ITSN2: variants seen among roughly 807,000 people sequenced by gnomAD.
The protein encoded by ITSN2 is intersectin-2.
A neutral mutation model predicts 243.7 loss-of-function variants in ITSN2; 156 were observed. The observed-to-expected ratio is 0.64, with a 90% CI of 0.56 to 0.73. The LOEUF (loss-of-function observed/expected upper bound fraction) is 0.73. Ranked by LOEUF, ITSN2 falls within the 30% of genes least tolerant of loss-of-function variation. ITSN2 has a pLI of 0.00. For synonymous variants in ITSN2, 703 were observed against 699.9 expected (o/e 1.00, Z -0.07); for missense variants, 1,801 against 1,996.1 (o/e 0.90, Z 1.86).
intron 29 of ITSN2, among the ~76,000 whole-genome samples, chr2:24,224,707 C>G (rs1670852183): frequency 6.6e-6 from 1 of 151,840 alleles, no homozygotes; most frequent in Non-Finnish European, 1.5e-5. Flanking sequence ...GATCTCGGCT[C>G]ACTACAACCT....
chr2:24,333,821 C>T (rs1187974644), intron 1 of ITSN2, among the ~76,000 whole-genome samples: 3 of 152,122 alleles, frequency 2.0e-5, no homozygotes, highest in East Asian at 1.9e-4. Flanking sequence ...CTTTTACAAA[C>T]GGTCAGTAAG....
At chr2:24,283,006 CT>C (rs1229842221) in intron 17 of ITSN2, among the ~76,000 whole-genome samples, 12 of 141,200 alleles carry the variant, frequency 8.5e-5, no homozygotes, top group African/African-American at 3.2e-4. Context: ...TCCTTCAAGT[CT>C]TTCTTAAACC....
intron 22 of ITSN2, among the ~76,000 whole-genome samples, chr2:24,258,779 A>C (rs1036242503): frequency 4.6e-4 from 70 of 152,258 alleles, no homozygotes; most frequent in African/African-American, 1.6e-3. Flanking sequence ...TAGGTTCAGC[A>C]CTCATCACAC....
rs772332880 is a variant in ITSN2 at position 24,299,914 on chromosome 2, G to A, written c.1339C>T (p.Arg447Ter). ...GTAAAAAACTTAAAAATAACCTCTCGTCTTTCTATGTCTTTTCTCCTTTCT... is the reference window on the plus strand; with the variant it reads ...GTAAAAAACTTAAAAATAACCTCTCATCTTTCTATGTCTTTTCTCCTTTCT... ...EEERRKDIER[R>*]EAAKQELERQ... The change falls in exon 12 of 40, where the codon CGA (arginine) becomes TGA (stop). Residue 447 changes from arginine to a stop codon, truncating the protein, a stop_gained. Coordinates refer to ENST00000355123, the MANE Select transcript of ITSN2 (RefSeq NM_006277.3). LOFTEE classifies it high-confidence loss of function. The A allele has an allele frequency of 1.3e-6, 2 of 1,594,152 alleles. No homozygotes were observed. Among genetic ancestry groups the A allele is most frequent in the Non-Finnish European group, 1.7e-6 (2 of 1,171,492 alleles).
At chr2:24,322,913 GAACA>G (rs1212801434) in intron 2 of ITSN2, among the ~76,000 whole-genome samples, 1 of 151,622 alleles carries the variant, frequency 6.6e-6, no homozygotes, top group Non-Finnish European at 1.5e-5. Context: ...CAAAAGATTT[GAACA>G]GACACATCAA....
At position 24,301,389 on chromosome 2, in the gene ITSN2, G is replaced by A. The variant is rs1681711839; in HGVS notation, c.996-150C>T. The stretch of plus-strand genomic sequence containing the variant: ...GTTTGGTATGTCGTTACAAAATACA[G>A]TAGTATATGGATATTCAAGACAGAG... On this transcript the variant is annotated intron_variant, in intron 10 of 39. Coordinates refer to ENST00000355123, the MANE Select transcript of ITSN2 (RefSeq NM_006277.3). 5 of 471,018 alleles carry A rather than the reference G, an allele frequency of 1.1e-5. No individual in the cohort carries two copies. The South Asian group carries it at 2.2e-4, about 21-fold the overall frequency. 29.2% of individuals were successfully genotyped at this position (471,018 alleles called of 1,614,324 possible).
chr2:24,319,660 C>A (rs1333317456), intron 2 of ITSN2, among the ~76,000 whole-genome samples: 2 of 152,214 alleles, frequency 1.3e-5, no homozygotes, highest in Non-Finnish European at 2.9e-5. Flanking sequence ...TACTCAAACT[C>A]CACTGGAAAC....
chr2:24,358,197 G>A (rs138510083), intron 1 of ITSN2, among the ~76,000 whole-genome samples: 6 of 152,242 alleles, frequency 3.9e-5, no homozygotes, highest in African/African-American at 1.4e-4. Context: ...GCATGAGCCA[G>A]GGCACCCGGC....
intron 17 of ITSN2, among the ~76,000 whole-genome samples, chr2:24,282,124 T>C (rs1678861739): frequency 6.6e-6 from 1 of 152,170 alleles, no homozygotes; most frequent in Admixed American, 6.5e-5. Flanking sequence ...AAGACCACCC[T>C]GGCCTGCCAC....
In ITSN2 at chr2:24,210,921, A is replaced by G. The variant is rs1407831822; in HGVS notation, c.4116T>C (p.His1372=). The G allele has an allele frequency of 1.9e-6, 3 of 1,614,072 alleles. No individual in the cohort carries two copies. Among genetic ancestry groups the G allele is most frequent in the African/African-American group, 1.3e-5 (1 of 74,926 alleles). ...CCAGCTTTAGGGAGGAATGGTCTGC[A>G]TGGCTCTCCGGGGTGTTCTCCAGAA... ...RSILENTPES[H]ADHSSLKLAL... Residue 1372 remains histidine (H), a synonymous_variant, in exon 34 of 40, where the codon CAT becomes CAC. Transcript: ENST00000355123.
chr2:24,348,800 A>C (rs1687781412), intron 1 of ITSN2, among the ~76,000 whole-genome samples: 1 of 152,228 alleles, frequency 6.6e-6, no homozygotes, highest in African/African-American at 2.4e-5. Flanking sequence ...GTAGCAGCTA[A>C]CGGGCAGAAA....
chr2:24,271,497 T>A (rs1157639806), intron 19 of ITSN2, among the ~76,000 whole-genome samples: 2 of 152,192 alleles, frequency 1.3e-5, no homozygotes, highest in Non-Finnish European at 2.9e-5. Flanking sequence ...ACTATTTTAC[T>A]TCAATTATGA....
At chr2:24,315,414 C>T (rs955983224) in intron 2 of ITSN2, among the ~76,000 whole-genome samples, 190 bp from the exon 3 acceptor site, 1 of 152,178 alleles carries the variant, frequency 6.6e-6, no homozygotes, top group African/African-American at 2.4e-5. Context: ...GCTCAATTAA[C>T]GTCTATTGAA....
rs754161315 is a variant in ITSN2 at position 24,203,775 on chromosome 2, C to T, written c.4945G>A (p.Gly1649Ser). ...RDQFSPDDFL[G>S]RTEIPVAKIR... Reference sequence around the variant, plus strand: ...TTTGCCACTGGAATTTCAGTACGACCCAGGAAATCTGGTGAATAAACACAG... The same window carrying T: ...TTTGCCACTGGAATTTCAGTACGACTCAGGAAATCTGGTGAATAAACACAG... Residue 1649 changes from glycine to serine, a missense_variant, in exon 40 of 40, where the codon GGT (glycine) becomes AGT (serine). This residue lies in a region of ITSN2 where 928 missense variants were observed against 1,065.4 expected (regional missense o/e 0.87). Coordinates refer to ENST00000355123, the MANE Select transcript of ITSN2 (RefSeq NM_006277.3). The T allele has an allele frequency of 1.5e-5, 24 of 1,613,180 alleles. No homozygotes were observed. Among genetic ancestry groups the T allele is most frequent in the Non-Finnish European group, 2.0e-5 (24 of 1,179,554 alleles).
chr2:24,232,570 T>C (rs1164604393), intron 29 of ITSN2, among the ~76,000 whole-genome samples: 2 of 152,176 alleles, frequency 1.3e-5, no homozygotes, highest in South Asian at 2.1e-4. Flanking sequence ...AGATATGAAA[T>C]AGTAGTTTCA....
At chr2:24,223,618 C>A (rs1670682966) in intron 29 of ITSN2, among the ~76,000 whole-genome samples, 1 of 145,304 alleles carries the variant, frequency 6.9e-6, no homozygotes, top group Admixed American at 7.0e-5. Context: ...TCTGAGAGTT[C>A]AAGTTTGCAG....
chr2:24,295,274 ACCC>A (rs1680798073), intron 14 of ITSN2, among the ~76,000 whole-genome samples: 4 of 152,124 alleles, frequency 2.6e-5, no homozygotes, highest in African/African-American at 9.6e-5. Flanking sequence ...AAGGTTATTG[ACCC>A]CCAAAACAAA....
chr2:24,328,211 C>T (rs915120124), intron 1 of ITSN2, 96 bp from the exon 2 acceptor site: 18 of 788,392 alleles, frequency 2.3e-5, no homozygotes, highest in African/African-American at 3.4e-5. Flanking sequence ...TCCCCTTCAG[C>T]TCACACTTCC....
At chr2:24,220,516 TG>T (rs1300448390) in intron 30 of ITSN2, 1 of 1,005,770 alleles carries the variant, frequency 9.9e-7, no homozygotes, top group Non-Finnish European at 1.2e-6. Flanking sequence ...ACACTTTCAC[TG>T]TTTCACAGTT....
Sources: gnomAD v4.1 joint callset for allele counts (sites outside exome capture counted in the v4.1 genomes callset) on GRCh38, gnomAD v4.1.1 for gene constraint, gnomAD v4.1.1 regional missense constraint, MANE v1.5 for transcripts, NCBI Gene and HGNC (gene_info 2026-07-23, HGNC 2026-07-21) for gene names.